PDE10A: variants seen among roughly 807,000 people sequenced by gnomAD.
PDE10A encodes the protein phosphodiesterase 10A.
PDE10A carries 39 observed loss-of-function variants against 97.7 expected under a neutral mutation model. The ratio of observed to expected loss-of-function variants is 0.40; its 90% confidence interval spans 0.31 to 0.52. PDE10A has a LOEUF of 0.52. Ranked by LOEUF, PDE10A falls within the 20% of genes least tolerant of loss-of-function variation. The pLI, the probability that PDE10A is intolerant of heterozygous loss-of-function variation, is 0.56. For missense variants in PDE10A, 731 were observed against 1,047.8 expected (o/e 0.70, Z 4.17); for synonymous variants, 371 against 376.8 (o/e 0.98, Z 0.18).
At position 165,662,094 on chromosome 6, in the gene PDE10A, C is replaced by A. The variant is rs1387086393; in HGVS notation, c.718G>T (p.Gly240Cys). 8.6e-7 allele frequency: 1 copy of A among 1,165,652 alleles called. No homozygotes were observed. Among genetic ancestry groups the A allele is most frequent in the Non-Finnish European group, 1.1e-6 (1 of 940,492 alleles). 72.2% of individuals were successfully genotyped at this position (1,165,652 alleles called of 1,614,324 possible). ...SPGFPGAGPG[G>C]GGQTPRRPQG... ...GGACGCCGCGGAGTTTGGCCGCCGC[C>A]GCCTGGGCCGGCGCCGGGGAAGCCG... is the stretch of plus-strand genomic sequence containing the variant. Residue 240 changes from glycine to cysteine, a missense_variant, in exon 1 of 22, where the codon GGC becomes TGC. Coordinates refer to ENST00000539869, the MANE Select transcript of PDE10A (RefSeq NM_001385079.1).
intron 1 of PDE10A, among the ~76,000 whole-genome samples, chr6:165,734,944 A>C (rs991887997): frequency 9.5e-5 from 14 of 148,060 alleles, no homozygotes; most frequent in African/African-American, 3.2e-4. Flanking sequence ...CAGAACCAAT[A>C]AGAAAGTAGA....
At chr6:165,443,296 G>A (rs990878385) in intron 5 of PDE10A, among the ~76,000 whole-genome samples, 3 of 152,120 alleles carry the variant, frequency 2.0e-5, no homozygotes, top group African/African-American at 7.2e-5. Flanking sequence ...TACAGGCCCT[G>A]TACAAGTCCA....
At chr6:165,447,879 A>G (rs905197568) in intron 5 of PDE10A, among the ~76,000 whole-genome samples, 7 of 152,210 alleles carry the variant, frequency 4.6e-5, no homozygotes, top group Non-Finnish European at 1.0e-4. Context: ...TAACAAGCGT[A>G]ATTTGTTACA....
At position 165,608,092 on chromosome 6, in the gene PDE10A, GTGCATATATATACA is replaced by G. The variant is rs1009382524; in HGVS notation, c.865+53841_865+53854del. On this transcript the variant is annotated intron_variant, in intron 1 of 21. Transcript: ENST00000539869. ...TATATATGTATATATGTATATATAT[GTGCATATATATACA>G]TGTATATATATATATTTTATTATAC... is the stretch of plus-strand genomic sequence containing the variant. Among the ~76,000 whole-genome samples, 559 of 136,454 alleles carry G rather than the reference GTGCATATATATACA, an allele frequency of 4.1e-3. 3 individuals are homozygous for G. Among genetic ancestry groups the G allele is most frequent in the African/African-American group, 0.018 (540 of 29,742 alleles). 89.5% of individuals were successfully genotyped at this position (136,454 alleles called of 152,430 possible). A position where few individuals can be genotyped will look rare whatever the true frequency, so the allele number is the denominator to read the frequency against.
chr6:165,987,650 T>A (rs2128505725), exon 1 of PDE10A: 1 of 455,956 alleles, frequency 2.2e-6, no homozygotes, highest in East Asian at 7.0e-5. Context: ...GCACAGTGGG[T>A]CCAGGGTTCC....
intron 1 of PDE10A, among the ~76,000 whole-genome samples, chr6:165,970,427 A>C (rs1206596758): frequency 2.0e-5 from 3 of 152,144 alleles, no homozygotes; most frequent in Non-Finnish European, 2.9e-5. Context: ...ACACTAAATT[A>C]TTTGGGGTAA....
At chr6:165,857,029 A>G (rs754777807) in intron 1 of PDE10A, among the ~76,000 whole-genome samples, 1 of 152,250 alleles carries the variant, frequency 6.6e-6, no homozygotes, top group Admixed American at 6.5e-5. Flanking sequence ...TATCAAATTC[A>G]TCACCCAAGA....
intron 1 of PDE10A, among the ~76,000 whole-genome samples, chr6:165,888,420 G>A (rs2128481739): frequency 6.6e-6 from 1 of 151,924 alleles, no homozygotes; most frequent in Admixed American, 6.6e-5. Context: ...CGAGTAGCTG[G>A]GACTACAAAC....
chr6:165,619,422 GT>G (rs1787958324), intron 1 of PDE10A, among the ~76,000 whole-genome samples: 1 of 84,104 alleles, frequency 1.2e-5, no homozygotes, highest in African/African-American at 4.4e-5. Flanking sequence ...GTGTAGTGTA[GT>G]GTAGTATAGT....
chr6:165,355,289 T>C (rs933088327), intron 18 of PDE10A, among the ~76,000 whole-genome samples: 1 of 152,196 alleles, frequency 6.6e-6, no homozygotes, highest in Non-Finnish European at 1.5e-5. Flanking sequence ...ATATATGCAG[T>C]CTGTAATGAC....
chr6:165,335,452 T>C (rs569151442), intron 21 of PDE10A, among the ~76,000 whole-genome samples: 33 of 152,272 alleles, frequency 2.2e-4, no homozygotes, highest in African/African-American at 7.9e-4. Context: ...TTTTGGTGTA[T>C]GAAGGACTTG....
chr6:165,740,290 G>A (rs538505438), intron 1 of PDE10A, among the ~76,000 whole-genome samples: 4 of 148,712 alleles, frequency 2.7e-5, no homozygotes, highest in African/African-American at 1.0e-4. Context: ...CATATACAAT[G>A]GAATACATAT....
intron 2 of PDE10A, among the ~76,000 whole-genome samples, chr6:165,518,866 G>A (rs1459345780): frequency 6.6e-6 from 1 of 152,172 alleles, no homozygotes; most frequent in Non-Finnish European, 1.5e-5. Flanking sequence ...TAACATGTAA[G>A]GGTGGCAGTC....
intron 1 of PDE10A, among the ~76,000 whole-genome samples, chr6:165,906,275 C>G (rs577360281): frequency 6.6e-6 from 1 of 151,340 alleles, no homozygotes; most frequent in Non-Finnish European, 1.5e-5. Flanking sequence ...GGAGGAAGCT[C>G]TCCGTTTAGC....
Position 165,811,424 on chromosome 6 carries a change from C to T in PDE10A, c.-615+176105G>A, listed in dbSNP as rs534754623. On this transcript the variant is annotated intron_variant, in intron 1 of 19. Coordinates refer to the PDE10A transcript ENST00000366882. ...AATATGGGTTCTGTCCCTAGGCCCT[C>T]GCCTGAGCTATGCTCCCCACCCTTC... 4.3e-4 allele frequency among the ~76,000 whole-genome samples: 66 copies of T among 152,300 alleles called. No individual in the cohort carries two copies. The South Asian group carries it at 0.012, about 28-fold the overall frequency.
intron 3 of PDE10A, among the ~76,000 whole-genome samples, chr6:165,450,882 T>A (rs1791241741): frequency 6.6e-6 from 1 of 152,240 alleles, no homozygotes. Flanking sequence ...TTTAGAATTA[T>A]CCATAGACTG....
chr6:165,785,090 T>C (rs1477599319), intron 1 of PDE10A, among the ~76,000 whole-genome samples: 1 of 152,214 alleles, frequency 6.6e-6, no homozygotes, highest in Non-Finnish European at 1.5e-5. Context: ...AGACATGAAT[T>C]CTTTCATCAC....
chr6:165,409,868 C>T (rs185097483), intron 13 of PDE10A, among the ~76,000 whole-genome samples: 11 of 148,774 alleles, frequency 7.4e-5, no homozygotes, highest in Admixed American at 1.4e-4. Context: ...AAATGGAATG[C>T]CTATTAAAAC....
At chr6:165,902,985 G>A (rs75941856) in intron 1 of PDE10A, among the ~76,000 whole-genome samples, 14,352 of 152,246 alleles carry the variant, frequency 0.094, 848 homozygotes, top group African/African-American at 0.16. Flanking sequence ...TACAGCAGCC[G>A]GCATTACTGT....
Sources: allele counts gnomAD v4.1 joint callset (sites outside exome capture counted in the v4.1 genomes callset), GRCh38; gene constraint gnomAD v4.1.1; transcripts MANE v1.5; gene names NCBI Gene and HGNC (gene_info 2026-07-23, HGNC 2026-07-21).